ZNF441: variants seen among roughly 807,000 people sequenced by gnomAD.
ZNF441 encodes zinc finger protein 441.
Under a neutral mutation model 64.5 loss-of-function variants are expected in ZNF441, and 25 were observed. The ratio of observed to expected loss-of-function variants is 0.39; its 90% CI spans 0.28 to 0.54. The LOEUF (loss-of-function observed/expected upper bound fraction) is 0.54. Among genes scored for constraint, ZNF441 ranks in the 20% least tolerant of loss-of-function variants. The pLI is 0.70. For synonymous variants in ZNF441, 262 were observed against 268.0 expected (o/e 0.98, Z 0.22); for missense variants, 715 against 843.3 (o/e 0.85, Z 1.88).
chr19:11,780,260 T>C lies in ZNF441; in HGVS notation c.436T>C (p.Cys146Arg), dbSNP rs1975389334. The change falls in exon 4 of 4, where the codon TGT becomes CGT. Residue 146 changes from cysteine to arginine, a missense_variant. By Grantham distance (180) the Cys-to-Arg change is radical. Coordinates refer to ENST00000357901, the MANE Select transcript of ZNF441 (RefSeq NM_152355.3). ...AGAGAAGCCATATACACATACACAATGTGGGACAGCTTTCAGTTATCAGCC... is the reference window on the plus strand; with the variant it reads ...AGAGAAGCCATATACACATACACAACGTGGGACAGCTTTCAGTTATCAGCC... Reference protein sequence around the residue: ...YGEKPYTHTQCGTAFSYQPCF... With the variant: ...YGEKPYTHTQRGTAFSYQPCF... 1 of 1,614,136 alleles carries C rather than the reference T, an allele frequency of 6.2e-7. No homozygotes were observed. The highest frequency in any genetic ancestry group is 8.5e-7 in the Non-Finnish European group (1 of 1,180,006).
chr19:11,767,111 C>G lies in ZNF441; in HGVS notation c.-83C>G. The G allele has an allele frequency of 6.5e-7, 1 of 1,547,746 alleles. No homozygotes were observed. On this transcript the variant is annotated 5_prime_UTR_variant, in exon 1 of 4. Coordinates refer to ENST00000357901, the MANE Select transcript of ZNF441 (RefSeq NM_152355.3). This position sits in a 1 kb window ranked among gnomAD's most constrained non-coding sequence, Gnocchi z 5.1. ...TCTGTCACTGAGAGACGCCCTGGAA[C>G]GTCTGTGGCAGCTTCTGTCTCGCTG... is the stretch of plus-strand genomic sequence containing the variant.
Position 11,781,772 on chromosome 19 carries a change from A to G in ZNF441, c.1948A>G (p.Lys650Glu). 6.2e-7 allele frequency: 1 copy of G among 1,614,116 alleles called. No homozygotes were observed. Among genetic ancestry groups the G allele is most frequent in the Non-Finnish European group, 8.5e-7 (1 of 1,179,966 alleles). ...GCCGTATAAATGTAAGGAATGTGGG[A>G]AACCATTCCATTGTCCCAGTGCCTT... ...EKPYKCKECG[K>E]PFHCPSAFHK... Residue 650 changes from lysine to glutamate, a missense_variant, in exon 4 of 4, where the codon AAA becomes GAA. By Grantham distance (56) the Lys-to-Glu change is moderately conservative (BLOSUM62 1). This residue lies in a region of ZNF441 where 316 missense variants were observed against 429.3 expected (regional missense o/e 0.74). Coordinates refer to ENST00000357901, the MANE Select transcript of ZNF441 (RefSeq NM_152355.3).
chr19:11,769,529 C>G (rs1255793675), intron 1 of ZNF441, among the ~76,000 whole-genome samples: 2 of 152,094 alleles, frequency 1.3e-5, no homozygotes, highest in Admixed American at 1.3e-4. Flanking sequence ...AGAGAAAGAC[C>G]CTTCCTAACT....
At position 11,781,229 on chromosome 19, in the gene ZNF441, C is replaced by T. The variant is rs1170523291; in HGVS notation, c.1405C>T (p.His469Tyr). The T allele has an allele frequency of 3.1e-6, 5 of 1,613,632 alleles. No homozygotes were observed. The highest frequency in any genetic ancestry group is 4.2e-6 in the Non-Finnish European group (5 of 1,179,954). The change falls in exon 4 of 4, where the codon CAC (histidine) becomes TAC (tyrosine). Residue 469 changes from histidine (H) to tyrosine (Y), a missense_variant. His to Tyr is a moderately conservative substitution (Grantham distance 83). Transcript: ENST00000357901. ...SNYIRVHEKTHTGEKPYECKQ... is the reference protein window; with the variant it reads ...SNYIRVHEKTYTGEKPYECKQ... The stretch of plus-strand genomic sequence containing the variant: ...TTACATTCGAGTACATGAAAAGACT[C>T]ACACTGGAGAAAAGCCCTATGAATG...
rs1320672495 is a variant in ZNF441, at chr19:11,767,881, C to G, written c.3+685C>G. On this transcript the variant is annotated intron_variant, in intron 1 of 3. Transcript: ENST00000357901. This position sits in a 1 kb window ranked among gnomAD's most constrained non-coding sequence, Gnocchi z 5.1. The stretch of plus-strand genomic sequence containing the variant: ...CCTGACTCTTGGGGAGGCGGCCCCG[C>G]GAGGCAGCGGGGCTGAGGGCACCTG... Among the ~76,000 whole-genome samples, 1 of 152,160 alleles carries G rather than the reference C, an allele frequency of 6.6e-6. No homozygotes were observed. The highest frequency in any genetic ancestry group is 1.5e-5 in the Non-Finnish European group (1 of 68,024).
At chr19:11,769,762 G>A (rs1381213295) in intron 1 of ZNF441, among the ~76,000 whole-genome samples, 8 of 151,730 alleles carry the variant, frequency 5.3e-5, no homozygotes, top group South Asian at 2.1e-4. Context: ...TGCAACCTCC[G>A]CCTCCTGGGT....
At chr19:11,768,388 G>C (rs1975287387) in intron 1 of ZNF441, among the ~76,000 whole-genome samples, 1 of 152,144 alleles carries the variant, frequency 6.6e-6, no homozygotes, top group Non-Finnish European at 1.5e-5. Flanking sequence ...ACATTTCGCT[G>C]TAAAAAAAAT....
intron 3 of ZNF441, 80 bp downstream of exon 3, chr19:11,778,473 T>C: frequency 8.5e-7 from 1 of 1,172,150 alleles, no homozygotes; most frequent in Non-Finnish European, 1.2e-6. Flanking sequence ...TTTTGTTTGT[T>C]TTAGAGACAG....
rs948883573 is a variant in ZNF441, at chr19:11,781,816, C to A, written c.1992C>A (p.Thr664=). The change falls in exon 4 of 4, where the codon ACC becomes ACA. Residue 664 remains threonine (T), a synonymous_variant. Transcript: ENST00000357901. ...GTGCCTTTCATAAACATGAAAGGAC[C>A]CACAGTATGGAGAAACCCTATAAGT... ...CPSAFHKHER[T]HSMEKPYKCK... 1 of 1,613,774 alleles carries A rather than the reference C, an allele frequency of 6.2e-7. No individual in the cohort carries two copies. Among genetic ancestry groups the A allele is most frequent in the East Asian group, 2.2e-5 (1 of 44,850 alleles).
Position 11,780,804 on chromosome 19 carries a change from A to G in ZNF441, c.980A>G (p.Lys327Arg). 1.2e-6 allele frequency: 2 copies of G among 1,614,142 alleles called. No individual in the cohort carries two copies. Among genetic ancestry groups the G allele is most frequent in the Non-Finnish European group, 1.7e-6 (2 of 1,180,032 alleles). Residue 327 changes from lysine to arginine, a missense_variant, in exon 4 of 4, where the codon AAA becomes AGA. This residue lies in a region of ZNF441 where 399 missense variants were observed against 413.9 expected (regional missense o/e 0.96). Transcript: ENST00000357901. ...FLSPSSVRRH[K>R]RTHTGEKPYE... ...TCTCCCAGTTCAGTTCGAAGACATA[A>G]AAGAACTCACACTGGAGAGAAACCG...
chr19:11,774,338 T>A (rs117820654), intron 1 of ZNF441, among the ~76,000 whole-genome samples: 3,518 of 152,250 alleles, frequency 0.023, 63 homozygotes, highest in Middle Eastern at 0.045. Context: ...ATTCTAAGAG[T>A]CTTCGTGTGT....
chr19:11,779,044 G>C (rs1975375618), intron 3 of ZNF441, among the ~76,000 whole-genome samples: 1 of 152,198 alleles, frequency 6.6e-6, no homozygotes, highest in Non-Finnish European at 1.5e-5. Flanking sequence ...ATCCAGGCCA[G>C]GTGCGATAGC....
chr19:11,776,459 G>A (rs144264333), intron 1 of ZNF441, among the ~76,000 whole-genome samples: 26 of 152,222 alleles, frequency 1.7e-4, no homozygotes, highest in African/African-American at 5.8e-4. Flanking sequence ...AGATGTTTGT[G>A]ACTTCTATTA....
chr19:11,775,103 A>G (rs1975343853), intron 1 of ZNF441, among the ~76,000 whole-genome samples: 4 of 152,108 alleles, frequency 2.6e-5, no homozygotes, highest in African/African-American at 9.7e-5. Context: ...CAAAAAGCTG[A>G]CCTCTTCCAG....
At chr19:11,772,662 A>G (rs1248307155) in intron 1 of ZNF441, among the ~76,000 whole-genome samples, 1 of 152,180 alleles carries the variant, frequency 6.6e-6, no homozygotes, top group Non-Finnish European at 1.5e-5. Flanking sequence ...GCTTGAACCC[A>G]GGAGTTCAAG....
At chr19:11,771,449 G>A (rs931886704) in intron 1 of ZNF441, among the ~76,000 whole-genome samples, 7 of 152,192 alleles carry the variant, frequency 4.6e-5, no homozygotes, top group African/African-American at 1.4e-4. Context: ...CCGAGGACAC[G>A]AGCTGTTCCA....
chr19:11,780,450 G>A lies in ZNF441; in HGVS notation c.626G>A (p.Ser209Asn), dbSNP rs1975391728. The A allele has an allele frequency of 6.2e-7, 1 of 1,614,172 alleles. No homozygotes were observed. The highest frequency in any genetic ancestry group is 8.5e-7 in the Non-Finnish European group (1 of 1,180,036). Residue 209 changes from serine to asparagine, a missense_variant, in exon 4 of 4, where the codon AGT becomes AAT. Physicochemically the swap from Ser to Asn is conservative, Grantham distance 46. Coordinates refer to ENST00000357901, the MANE Select transcript of ZNF441 (RefSeq NM_152355.3). ...TGTGGAAACGCCTTTATTTGGCCTA[G>A]TTTATTTCATATGCTTAGAAGAACT... Reference protein sequence around the residue: ...KLCGNAFIWPSLFHMLRRTHT... With the variant: ...KLCGNAFIWPNLFHMLRRTHT...
At chr19:11,778,303 A>G in intron 2 of ZNF441, 27 bp from the exon 3 acceptor site, 1 of 1,394,106 alleles carries the variant, frequency 7.2e-7, no homozygotes, top group Non-Finnish European at 9.9e-7. Context: ...AATAATTTAT[A>G]GTCATTTTTC....
rs1336666840 is a variant in ZNF441 at position 11,781,906 on chromosome 19, G to T, written c.2082G>T (p.Ter694TyrextTer5). The T allele has an allele frequency of 1.3e-6, 2 of 1,581,228 alleles. No homozygotes were observed. The highest frequency in any genetic ancestry group is 2.3e-5 in the South Asian group (2 of 87,660). Residue 694 changes from the stop codon to tyrosine (Y), a stop_lost, in exon 4 of 4, where the codon TAG (stop) becomes TAT (tyrosine). Coordinates refer to ENST00000357901, the MANE Select transcript of ZNF441 (RefSeq NM_152355.3). ...SSFHKHEMTH[*>Y] ...TTCATAAACATGAAATGACTCACTA[G>T]AGAAAACCCCTATGAGTGTTGAACA...
Sources: gnomAD v4.1 joint callset for allele counts (sites outside exome capture counted in the v4.1 genomes callset) on GRCh38, gnomAD v4.1.1 for gene constraint, gnomAD v4.1.1 regional missense constraint, Gnocchi (gnomAD v3.1) non-coding constraint, MANE v1.5 for transcripts, NCBI Gene and HGNC (gene_info 2026-07-23, HGNC 2026-07-21) for gene names.